The following CDHR1 variants were observed in gnomAD, a reference collection of about 807,000 sequenced individuals.
The protein encoded by CDHR1 is cadherin related family member 1, also known as cadherin-related family member 1.
A neutral mutation model predicts 72.1 loss-of-function variants in CDHR1; 61 were observed. That is an observed-to-expected ratio of 0.85 (90% CI 0.69 to 1.05). CDHR1 has a LOEUF of 1.05. Ranked by LOEUF, CDHR1 falls within the 50% of genes least tolerant of loss-of-function variation. The probability of loss-of-function intolerance (pLI) is 0.00; values close to 1 mark genes in which losing one functional copy is unlikely to be tolerated. For missense variants in CDHR1, 1,186 were observed against 1,115.7 expected, an observed-to-expected ratio of 1.06 and a Z score of -0.90; for synonymous variants, 470 against 448.1, an observed-to-expected ratio of 1.05 and a Z score of -0.62.
In CDHR1 at chr10:84,212,286, A is replaced by G. The variant is rs868012473; in HGVS notation, c.1661A>G (p.Glu554Gly). ...TTCTATGTGAAGGCAGAGGACATGG[A>G]AGGCAAGTACAGCGTAGCTGAGGTG... Reference protein sequence around the residue: ...YNFYVKAEDMEGKYSVAEVFI... With the variant: ...YNFYVKAEDMGGKYSVAEVFI... The change falls in exon 15 of 17, where the codon GAA (glutamate) becomes GGA (glycine). Residue 554 changes from glutamate (E) to glycine (G), a missense_variant. Coordinates refer to ENST00000623527, the MANE Select transcript of CDHR1 (RefSeq NM_033100.4). The G allele has an allele frequency of 6.2e-7, 1 of 1,614,236 alleles. No homozygotes were observed. The highest frequency in any genetic ancestry group is 1.3e-5 in the African/African-American group (1 of 75,066).
At chr10:84,212,983 G>C (rs1187311701) in intron 15 of CDHR1, 108 bp from the exon 16 acceptor site, 3 of 1,390,934 alleles carry the variant, frequency 2.2e-6, no homozygotes, top group Non-Finnish European at 3.1e-6. Context: ...AATAGGATCA[G>C]GACCATTTCC....
rs1589312511 is a variant in CDHR1 at position 84,217,574 on chromosome 10, T to A, written c.*2953T>A. On this transcript the variant is annotated 3_prime_UTR_variant, in exon 17 of 17. Transcript: ENST00000623527. ...TATGGTTGCAGAGAGGATGAAAAGA[T>A]CTAATATATGTAAAGTGCCTAGCAC... The A allele has an allele frequency of 8.1e-6, 8 of 984,840 alleles. No individual in the cohort carries two copies. The highest frequency in any genetic ancestry group is 9.6e-6 in the Non-Finnish European group (8 of 829,530). The allele number at this position is 984,840 out of a possible 1,614,324, so 61.0% of individuals were successfully genotyped here. A position where few individuals can be genotyped will look rare whatever the true frequency, so the allele number is the denominator to read the frequency against.
rs781607008 is a variant in CDHR1, at chr10:84,197,838, T to A, written c.348+2T>A. 12 of 1,613,482 alleles carry A rather than the reference T, an allele frequency of 7.4e-6. No homozygotes were observed. The highest frequency in any genetic ancestry group is 1.0e-5 in the Non-Finnish European group (12 of 1,179,762). ...AGCATTTCTGATGGCCTGAATCTGG[T>A]GAGTGCACGTCCAAGGCAGTCCCTG... On this transcript the variant is annotated splice_donor_variant, in intron 4 of 16. Transcript: ENST00000623527. LOFTEE classifies it high-confidence loss of function.
Position 84,200,589 on chromosome 10 carries a change from T to C in CDHR1, c.439-12T>C, listed in dbSNP as rs886047325. On this transcript the variant is annotated splice_polypyrimidine_tract_variant and intron_variant, in intron 5 of 16. Transcript: ENST00000623527. The stretch of plus-strand genomic sequence containing the variant: ...TGTCTCTGACCCTCCCCTGTGGCTG[T>C]GACCCCCTCAGGACATACCTGCTGG... 3 of 1,599,524 alleles carry C rather than the reference T, an allele frequency of 1.9e-6. No individual in the cohort carries two copies. Among genetic ancestry groups the C allele is most frequent in the Non-Finnish European group, 1.7e-6 (2 of 1,170,886 alleles).
chr10:84,206,391 G>A (rs12217226), intron 10 of CDHR1, among the ~76,000 whole-genome samples: 5,513 of 152,268 alleles, frequency 0.036, 152 homozygotes, highest in East Asian at 0.13. Context: ...TGGATCTGTC[G>A]CTAGAGCCGG....
At chr10:84,211,827 G>T in intron 14 of CDHR1, 112 bp downstream of exon 14, 5 of 932,782 alleles carry the variant, frequency 5.4e-6, no homozygotes, top group South Asian at 5.3e-5. Flanking sequence ...AGGAGCCTGG[G>T]TGAAGAGAAG....
In CDHR1 at chr10:84,218,676, C is replaced by T. The variant is rs1262371624; in HGVS notation, c.*4055C>T. 4.1e-6 allele frequency: 4 copies of T among 986,930 alleles called. No individual in the cohort carries two copies. The African/African-American group carries it at 5.2e-5, about 13-fold the overall frequency. 61.1% of individuals were successfully genotyped at this position (986,930 alleles called of 1,614,324 possible). A position where few individuals can be genotyped will look rare whatever the true frequency, so the allele number is the denominator to read the frequency against. ...GTCTAAACTCTAAATAAATAAGCTTCTCAAGGGCATGACAACTATATCGGA... is the reference window on the plus strand; with the variant it reads ...GTCTAAACTCTAAATAAATAAGCTTTTCAAGGGCATGACAACTATATCGGA... On this transcript the variant is annotated 3_prime_UTR_variant, in exon 17 of 17. Coordinates refer to ENST00000623527, the MANE Select transcript of CDHR1 (RefSeq NM_033100.4).
In CDHR1 at chr10:84,218,690, A is replaced by G; in HGVS notation, c.*4069A>G. 1 of 988,234 alleles carries G rather than the reference A, an allele frequency of 1.0e-6. No individual in the cohort carries two copies. The highest frequency in any genetic ancestry group is 1.7e-5 in the African/African-American group (1 of 57,498). 61.2% of individuals were successfully genotyped at this position (988,234 alleles called of 1,614,324 possible). ...TAAATAAGCTTCTCAAGGGCATGAC[A>G]ACTATATCGGAAACTGTAGCATCTT... On this transcript the variant is annotated 3_prime_UTR_variant, in exon 17 of 17. Transcript: ENST00000623527.
Position 84,205,838 on chromosome 10 carries a change from G to A in CDHR1, c.874G>A (p.Ala292Thr), listed in dbSNP as rs1842215496. The A allele has an allele frequency of 1.2e-6, 2 of 1,613,798 alleles. No individual in the cohort carries two copies. The highest frequency in any genetic ancestry group is 1.7e-6 in the Non-Finnish European group (2 of 1,179,780). ...ATCTCCCTTGACAGGGAACGATGGA[G>A]CCTTTGAAATTAATGAGACATCTGG... The part of the protein sequence containing the change: ...LYSLVNGNDG[A>T]FEINETSGAI... Residue 292 changes from alanine (A) to threonine (T), a missense_variant, in exon 10 of 17, where the codon GCC becomes ACC. By Grantham distance (58) the Ala-to-Thr change is moderately conservative. Coordinates refer to ENST00000623527, the MANE Select transcript of CDHR1 (RefSeq NM_033100.4).
At position 84,198,976 on chromosome 10, in the gene CDHR1, T is replaced by C; in HGVS notation, c.349-56T>C. ...TTGGAGTGATAGAGGTCGCTATCCA[T>C]TCATCCTTCAGAAGGTCTCATTGCA... On this transcript the variant is annotated intron_variant, in intron 4 of 16. Transcript: ENST00000623527. 3.0e-6 allele frequency: 4 copies of C among 1,326,210 alleles called. No individual in the cohort carries two copies. The South Asian group carries it at 5.0e-5, about 17-fold the overall frequency. 82.2% of individuals were successfully genotyped at this position (1,326,210 alleles called of 1,614,324 possible).
chr10:84,200,745 G>T, intron 6 of CDHR1, 58 bp downstream of exon 6: 4 of 1,224,176 alleles, frequency 3.3e-6, no homozygotes, highest in Non-Finnish European at 4.7e-6. Context: ...CACCTAGATG[G>T]CCCCTACCTC....
In CDHR1 at chr10:84,195,516, C is replaced by A; in HGVS notation, c.78C>A (p.His26Gln). 6.2e-7 allele frequency: 1 copy of A among 1,614,152 alleles called. No individual in the cohort carries two copies. The highest frequency in any genetic ancestry group is 1.1e-5 in the South Asian group (1 of 91,074). The change falls in exon 2 of 17, where the codon CAC becomes CAA. Residue 26 changes from histidine to glutamine, a missense_variant. Transcript: ENST00000623527. ...CAGCTCAGGCCAACTTCGCCCCGCA[C>A]TTCTTCGACAACGGGGTCGGCAGCA... ...LCLAQANFAP[H>Q]FFDNGVGSTN...
At chr10:84,206,025 T>C in intron 10 of CDHR1, 98 bp downstream of exon 10, 1 of 857,172 alleles carries the variant, frequency 1.2e-6, no homozygotes, top group Non-Finnish European at 1.9e-6. Flanking sequence ...GCCCATAGTC[T>C]GGGGAGGGGG....
At chr10:84,204,166 G>A (rs1450732149) in intron 8 of CDHR1, among the ~76,000 whole-genome samples, 1 of 152,182 alleles carries the variant, frequency 6.6e-6, no homozygotes, top group Non-Finnish European at 1.5e-5. Flanking sequence ...TGGGATGAAA[G>A]CAAAAGATGG....
Position 84,218,122 on chromosome 10 carries a change from A to T in CDHR1, c.*3501A>T, listed in dbSNP as rs1842455701. Reference sequence around the variant, plus strand: ...CCTGACAGTCTTCAAGGCCTTGGCCACCAAGGGATGGAGAGGGAGAATGGA... The same window carrying T: ...CCTGACAGTCTTCAAGGCCTTGGCCTCCAAGGGATGGAGAGGGAGAATGGA... On this transcript the variant is annotated 3_prime_UTR_variant, in exon 17 of 17. Transcript: ENST00000623527. 2.0e-6 allele frequency: 2 copies of T among 985,478 alleles called. No homozygotes were observed. The highest frequency in any genetic ancestry group is 2.4e-6 in the Non-Finnish European group (2 of 829,948). 61.0% of individuals were successfully genotyped at this position (985,478 alleles called of 1,614,324 possible).
rs1842351802 is a variant in CDHR1 at position 84,212,382 on chromosome 10, T to A, written c.1757T>A (p.Val586Glu). 6.2e-7 allele frequency: 1 copy of A among 1,614,208 alleles called. No homozygotes were observed. Among genetic ancestry groups the A allele is most frequent in the African/African-American group, 1.3e-5 (1 of 75,042 alleles). The change falls in exon 15 of 17, where the codon GTG (valine) becomes GAG (glutamate). Residue 586 changes from valine to glutamate, a missense_variant. Physicochemically the swap from Val to Glu is moderately radical, Grantham distance 121. Transcript: ENST00000623527. ...FGKSVQKKTM[V>E]LGTPVKIEAI... ...AAGAGCGTTCAGAAGAAGACGATGG[T>A]GCTAGGGACCCCAGTGAAAATTGAG...
intron 2 of CDHR1, among the ~76,000 whole-genome samples, chr10:84,196,302 C>A (rs956093799): frequency 6.6e-6 from 1 of 152,194 alleles, no homozygotes; most frequent in African/African-American, 2.4e-5. Context: ...ATCACAACCA[C>A]CCGCTGTGAA....
In CDHR1 at chr10:84,203,142, C is replaced by T; in HGVS notation, c.783+19C>T. 1.2e-6 allele frequency: 2 copies of T among 1,614,098 alleles called. No homozygotes were observed. The highest frequency in any genetic ancestry group is 1.7e-5 in the Admixed American group (1 of 60,028). On this transcript the variant is annotated intron_variant, in intron 8 of 16. Transcript: ENST00000623527. ...CCTTCCGGTGGGTGGCTGTCCCCCT[C>T]AGCCAGCGATCCCTCCAAATGCCTC... is the stretch of plus-strand genomic sequence containing the variant.
chr10:84,197,919 G>A (rs1842057134), intron 4 of CDHR1, 83 bp downstream of exon 4: 2 of 1,343,208 alleles, frequency 1.5e-6, no homozygotes, highest in East Asian at 4.6e-5. Context: ...TCCTCCCCAA[G>A]CCTTCATGGG....
Sources: gnomAD v4.1 joint callset for allele counts (sites outside exome capture counted in the v4.1 genomes callset) on GRCh38, gnomAD v4.1.1 for gene constraint, MANE v1.5 for transcripts, NCBI Gene and HGNC (gene_info 2026-07-23, HGNC 2026-07-21) for gene names.